The following MYLK variants were observed in gnomAD, a reference collection of about 807,000 sequenced individuals.
MYLK encodes the protein myosin light chain kinase, smooth muscle.
A neutral mutation model predicts 203.4 loss-of-function variants in MYLK; 106 were observed. The observed-to-expected ratio is 0.52, with a 90% CI of 0.45 to 0.61. The LOEUF (loss-of-function observed/expected upper bound fraction) is 0.61, where lower values mean the gene tolerates loss of function less well. Ranked by LOEUF, MYLK falls within the 20% of genes least tolerant of loss-of-function variation. The pLI is 0.00. For missense variants in MYLK, 2,072 were observed against 2,442.3 expected, an observed-to-expected ratio of 0.85 and a Z score of 3.20; for synonymous variants, 867 against 959.5, an observed-to-expected ratio of 0.90 and a Z score of 1.78.
intron 3 of MYLK, among the ~76,000 whole-genome samples, chr3:123,797,480 C>G (rs2065030902): frequency 6.6e-6 from 1 of 152,162 alleles, no homozygotes; most frequent in Admixed American, 6.5e-5. Context: ...TGGGCATCAT[C>G]TGATATCCCA....
At chr3:123,836,134 TG>T (rs2066470169) in intron 2 of MYLK, among the ~76,000 whole-genome samples, 1 of 152,264 alleles carries the variant, frequency 6.6e-6, no homozygotes, top group Non-Finnish European at 1.5e-5. Flanking sequence ...TGGAAAACTA[TG>T]ATCAAATAAA....
intron 27 of MYLK, among the ~76,000 whole-genome samples, chr3:123,641,645 T>A (rs973392820): frequency 2.0e-4 from 31 of 151,966 alleles, no homozygotes; most frequent in African/African-American, 7.0e-4. Flanking sequence ...GTGCTGGGAT[T>A]ACAGGCATAA....
At chr3:123,728,464 G>A (rs960734447) in intron 11 of MYLK, among the ~76,000 whole-genome samples, 1 of 152,036 alleles carries the variant, frequency 6.6e-6, no homozygotes, top group African/African-American at 2.4e-5. Context: ...CTATGATCAC[G>A]CCATTGCACT....
chr3:123,628,018 T>C (rs1469439673), intron 30 of MYLK, among the ~76,000 whole-genome samples: 1 of 152,228 alleles, frequency 6.6e-6, no homozygotes, highest in Non-Finnish European at 1.5e-5. Flanking sequence ...CCAGAGTTAC[T>C]GAGGAGGTTT....
intron 2 of MYLK, chr3:123,835,793 C>T (rs1266564984): frequency 4.6e-5 from 7 of 152,096 alleles, no homozygotes; most frequent in Admixed American, 4.6e-4. Context: ...GCCAGGAAAC[C>T]TAAAAATATT....
chr3:123,798,611 C>T (rs964388609), intron 3 of MYLK, among the ~76,000 whole-genome samples: 2 of 152,148 alleles, frequency 1.3e-5, no homozygotes, highest in African/African-American at 2.4e-5. Context: ...CTCAACAGCA[C>T]ATTAGACAGG....
chr3:123,712,510 T>G (rs2061735336), intron 13 of MYLK, among the ~76,000 whole-genome samples: 1 of 152,244 alleles, frequency 6.6e-6, no homozygotes, highest in Non-Finnish European at 1.5e-5. Flanking sequence ...CAACCCCACC[T>G]TCTCTGGGTT....
chr3:123,856,741 A>C (rs2031411399), intron 2 of MYLK, among the ~76,000 whole-genome samples: 1 of 152,162 alleles, frequency 6.6e-6, no homozygotes, highest in Non-Finnish European at 1.5e-5. Context: ...TCCATATTGC[A>C]AACTGAGGAC....
At chr3:123,794,463 C>G (rs2064911527) in intron 3 of MYLK, among the ~76,000 whole-genome samples, 1 of 152,156 alleles carries the variant, frequency 6.6e-6, no homozygotes, top group African/African-American at 2.4e-5. Context: ...AACAAGGCTC[C>G]AAGATCACAG....
chr3:123,787,414 C>T (rs887102652), intron 4 of MYLK, among the ~76,000 whole-genome samples: 1 of 152,156 alleles, frequency 6.6e-6, no homozygotes, highest in African/African-American at 2.4e-5. Flanking sequence ...AAGAAGTACA[C>T]GGCCAAATCC....
Position 123,700,994 on chromosome 3 carries a change from G to A in MYLK, c.2474C>T (p.Pro825Leu), listed in dbSNP as rs201332554. 252 of 1,605,086 alleles carry A rather than the reference G, an allele frequency of 1.6e-4. No individual in the cohort carries two copies. Among genetic ancestry groups the A allele is most frequent in the Non-Finnish European group, 2.1e-4 (242 of 1,179,976 alleles). ...SARALPRGREPASCEDLCGGG... is the reference protein window; with the variant it reads ...SARALPRGRELASCEDLCGGG... ...ACCACAGAGGTCCTCGCAGCTGGCAGGCTCCCTCCCCCTGCAACCAGTGTA... is the reference window on the plus strand; with the variant it reads ...ACCACAGAGGTCCTCGCAGCTGGCAAGCTCCCTCCCCCTGCAACCAGTGTA... The change falls in exon 18 of 34, where the codon CCT (proline) becomes CTT (leucine). Residue 825 changes from proline (P) to leucine (L), a missense_variant. Pro to Leu is a moderately conservative substitution (Grantham distance 98). Around this residue, in one of 3 missense-constraint regions of MYLK, gnomAD observed 865 missense variants for 1,016.0 expected, o/e 0.85. Coordinates refer to ENST00000360304, the MANE Select transcript of MYLK (RefSeq NM_053025.4).
intron 3 of MYLK, among the ~76,000 whole-genome samples, chr3:123,828,971 A>G (rs2148614919): frequency 6.6e-6 from 1 of 152,332 alleles, no homozygotes; most frequent in East Asian, 1.9e-4. Context: ...GATGAGGAGA[A>G]AAGGAAACTC....
intron 4 of MYLK, among the ~76,000 whole-genome samples, chr3:123,786,101 G>A (rs1309199462): frequency 3.9e-5 from 6 of 152,130 alleles, no homozygotes; most frequent in African/African-American, 7.2e-5. Context: ...TCAGGAGTTC[G>A]AGACCAGCCT....
intron 28 of MYLK, chr3:123,638,806 C>T (rs938958891): frequency 1.7e-5 from 17 of 985,282 alleles, no homozygotes; most frequent in Admixed American, 6.1e-5. Flanking sequence ...GTAGGGTAGT[C>T]GGGAGAGGCT....
intron 6 of MYLK, 30 bp downstream of exon 6, chr3:123,739,923 C>T: frequency 2.5e-6 from 4 of 1,613,304 alleles, no homozygotes; most frequent in Non-Finnish European, 3.4e-6. Flanking sequence ...CAATCCAACC[C>T]TTACTCTGTC....
At position 123,629,331 on chromosome 3, in the gene MYLK, C is replaced by T. The variant is rs2058309929; in HGVS notation, c.5114+143G>A. On this transcript the variant is annotated intron_variant, in intron 30 of 33. Transcript: ENST00000360304. The surrounding 1 kb of genome is among the most constrained non-coding windows in gnomAD (Gnocchi z 4.4). The stretch of plus-strand genomic sequence containing the variant: ...ATGCATTCGGGTCTCTTACCATGCC[C>T]ACCCTCCCTTCCTCAGGGAATGCTA... The T allele has an allele frequency of 9.9e-7, 1 of 1,012,872 alleles. No homozygotes were observed. Among genetic ancestry groups the T allele is most frequent in the Non-Finnish European group, 1.5e-6 (1 of 679,358 alleles). The allele number at this position is 1,012,872 out of a possible 1,614,324, so 62.7% of individuals were successfully genotyped here. A position where few individuals can be genotyped will look rare whatever the true frequency, so the allele number is the denominator to read the frequency against.
chr3:123,844,477 C>T (rs1327380807), intron 2 of MYLK, among the ~76,000 whole-genome samples: 1 of 152,144 alleles, frequency 6.6e-6, no homozygotes, highest in Non-Finnish European at 1.5e-5. Context: ...TCAGAGGGGT[C>T]TTCCTTAGTC....
intron 3 of MYLK, among the ~76,000 whole-genome samples, chr3:123,812,096 T>C (rs1463813278): frequency 6.6e-6 from 1 of 152,178 alleles, no homozygotes; most frequent in Non-Finnish European, 1.5e-5. Context: ...CTGGGACTTC[T>C]CAGAGTCAGC....
intron 27 of MYLK, chr3:123,646,940 G>A (rs1197937984): frequency 2.0e-5 from 10 of 496,344 alleles, no homozygotes; most frequent in South Asian, 8.8e-5. Context: ...GGGGAGATGA[G>A]GGCGAGAAAG....
Sources: allele counts gnomAD v4.1 joint callset (sites outside exome capture counted in the v4.1 genomes callset), GRCh38; gene constraint gnomAD v4.1.1; regional missense constraint gnomAD v4.1.1; non-coding constraint Gnocchi (gnomAD v3.1); transcripts MANE v1.5; gene names NCBI Gene and HGNC (gene_info 2026-07-23, HGNC 2026-07-21).